Variants in PRUNE2 observed in about 807,000 individuals in gnomAD.
PRUNE2 encodes protein prune homolog 2.
In PRUNE2, 164 loss-of-function variants were observed where a neutral mutation model predicts 252.0. That is an observed-to-expected ratio of 0.65 (90% CI 0.57 to 0.74). PRUNE2 has a LOEUF of 0.74. Among genes scored for constraint, PRUNE2 ranks in the 30% least tolerant of loss-of-function variants. The probability of loss-of-function intolerance (pLI) is 0.00; values close to 1 mark genes in which losing one functional copy is unlikely to be tolerated. For synonymous variants in PRUNE2, 1,292 were observed against 1,350.2 expected (o/e 0.96, Z 0.94); for missense variants, 3,495 against 3,711.0 (o/e 0.94, Z 1.51).
chr9:76,832,761 A>T (rs1054857525), intron 4 of PRUNE2, among the ~76,000 whole-genome samples: 2 of 152,066 alleles, frequency 1.3e-5, no homozygotes, highest in Non-Finnish European at 2.9e-5. Flanking sequence ...GGATTTCTGG[A>T]AAAAACTAAT....
At position 76,708,613 on chromosome 9, in the gene PRUNE2, C is replaced by G. The variant is rs2046475628; in HGVS notation, c.3661G>C (p.Asp1221His). The stretch of plus-strand genomic sequence containing the variant: ...ATGTCTTTATCTCTCATGACAGAAT[C>G]CCAAATACTGTTTGCAATTAGCTGC... ...SGQLIANSIW[D>H]SVMRDKDMSS... The change falls in exon 8 of 19, where the codon GAT becomes CAT. Residue 1221 changes from aspartate to histidine, a missense_variant. Transcript: ENST00000376718. 3.7e-6 allele frequency: 6 copies of G among 1,613,880 alleles called. No individual in the cohort carries two copies. The highest frequency in any genetic ancestry group is 3.4e-6 in the Non-Finnish European group (4 of 1,179,838).
intron 3 of PRUNE2, 57 bp from the exon 4 acceptor site, chr9:76,846,735 T>C: frequency 2.7e-6 from 4 of 1,476,640 alleles, no homozygotes; most frequent in Non-Finnish European, 3.7e-6. Context: ...TTATTACTTT[T>C]TGGAATGTTT....
rs372576464 is a variant in PRUNE2 at position 76,666,743 on chromosome 9, GTCTTT to G, written c.8277-11246_8277-11242del. On this transcript the variant is annotated intron_variant, in intron 9 of 18. Transcript: ENST00000376718. ...TGGTAGTGGTCCCCCGGGCCCAGCT[GTCTTT>G]TCTTTTATCTCTTTGTCTTGTGTCT... 5.7e-4 allele frequency among the ~76,000 whole-genome samples: 86 copies of G among 152,206 alleles called. 1 individual carries two copies. The highest frequency in any genetic ancestry group is 3.5e-3 in the South Asian group (17 of 4,824).
At chr9:76,662,067 T>A in intron 9 of PRUNE2, among the ~76,000 whole-genome samples, 1 of 152,132 alleles carries the variant, frequency 6.6e-6, no homozygotes, top group East Asian at 1.9e-4. Flanking sequence ...GCCCTGCACA[T>A]CCAAACTTGT....
rs1365159258 is a variant in PRUNE2, at chr9:76,706,267, A to G, written c.6007T>C (p.Ser2003Pro). The change falls in exon 8 of 19, where the codon TCA (serine) becomes CCA (proline). Residue 2003 changes from serine (S) to proline (P), a missense_variant. By Grantham distance (74) the Ser-to-Pro change is moderately conservative. Coordinates refer to ENST00000376718, the MANE Select transcript of PRUNE2 (RefSeq NM_015225.3). ...QETNQWEQEK[S>P]YLGEMTNSSI... is the part of the protein sequence containing the mutation. ...GAATTTGTCATCTCACCTAGGTATG[A>G]TTTTTCTTGTTCCCACTGATTTGTT... 2 of 1,613,668 alleles carry G rather than the reference A, an allele frequency of 1.2e-6. No individual in the cohort carries two copies. The highest frequency in any genetic ancestry group is 1.7e-6 in the Non-Finnish European group (2 of 1,179,848).
chr9:76,832,474 A>G (rs77608457), intron 4 of PRUNE2, among the ~76,000 whole-genome samples: 173 of 152,306 alleles, frequency 1.1e-3, no homozygotes, highest in Non-Finnish European at 2.0e-3. Flanking sequence ...GCACTTCTAT[A>G]TAACTCATGG....
chr9:76,845,944 C>T (rs921170078), intron 4 of PRUNE2, among the ~76,000 whole-genome samples: 4 of 152,108 alleles, frequency 2.6e-5, no homozygotes, highest in Non-Finnish European at 5.9e-5. Flanking sequence ...AGAGAGATTA[C>T]TAGAGTAACT....
rs371655412 is a variant in PRUNE2, at chr9:76,826,667, G to T, written c.574C>A (p.Leu192Ile). 2.7e-5 allele frequency: 43 copies of T among 1,612,068 alleles called. No homozygotes were observed. The East Asian group carries it at 9.6e-4, about 36-fold the overall frequency. The change falls in exon 5 of 19, where the codon CTT becomes ATT. Residue 192 changes from leucine to isoleucine, a missense_variant. Transcript: ENST00000376718. ...GGAAATTTTTCTTCCAGGATAGAAA[G>T]AATTTCCTCCTGCTTCTCTGAGATC... Reference protein sequence around the residue: ...EKISEKQEEILSILEEKFPNL... With the variant: ...EKISEKQEEIISILEEKFPNL...
chr9:76,650,300 C>A (rs1180462445), intron 11 of PRUNE2, among the ~76,000 whole-genome samples: 1 of 148,416 alleles, frequency 6.7e-6, no homozygotes. Flanking sequence ...TATAATGAAA[C>A]ATATATAATG....
chr9:76,777,846 A>C (rs1297765948), intron 6 of PRUNE2, among the ~76,000 whole-genome samples: 1 of 152,202 alleles, frequency 6.6e-6, no homozygotes, highest in African/African-American at 2.4e-5. Flanking sequence ...AAATAAGTTC[A>C]GGGGGCTAAC....
intron 6 of PRUNE2, among the ~76,000 whole-genome samples, chr9:76,822,766 C>G (rs2058108501): frequency 6.6e-6 from 1 of 151,964 alleles, no homozygotes; most frequent in African/African-American, 2.4e-5. Context: ...GAGATGGTGC[C>G]ACTGCACTCC....
chr9:76,737,732 G>A lies in PRUNE2; in HGVS notation c.757-24011C>T, dbSNP rs368931290. 3.9e-5 allele frequency: 6 copies of A among 152,302 alleles called. No homozygotes were observed. In the South Asian group the frequency reaches 1.2e-3, roughly 32 times the overall value. 9.4% of individuals were successfully genotyped at this position (152,302 alleles called of 1,614,324 possible). A position where few individuals can be genotyped will look rare whatever the true frequency, so the allele number is the denominator to read the frequency against. The stretch of plus-strand genomic sequence containing the variant: ...GAATTGAAGAATCCATCAAGCTTGA[G>A]TTGATTTATTGAACTGTCTCTTGGC... On this transcript the variant is annotated intron_variant, in intron 6 of 18. Transcript: ENST00000376718.
rs369464963 is a variant in PRUNE2 at position 76,704,962 on chromosome 9, T to C, written c.7312A>G (p.Arg2438Gly). The C allele has an allele frequency of 3.6e-5, 58 of 1,613,226 alleles. No individual in the cohort carries two copies. The highest frequency in any genetic ancestry group is 4.7e-5 in the Non-Finnish European group (56 of 1,179,590). ...EIVLSALPDR[R>G]SEGNQAETKN... is the part of the protein sequence containing the mutation. Reference sequence around the variant, plus strand: ...GTCTCAGCCTGGTTTCCCTCACTTCTTCGATCAGGAAGTGCAGAAAGCACT... The same window carrying C: ...GTCTCAGCCTGGTTTCCCTCACTTCCTCGATCAGGAAGTGCAGAAAGCACT... Residue 2438 changes from arginine (R) to glycine (G), a missense_variant, in exon 8 of 19, where the codon AGA becomes GGA. Arg to Gly is a moderately radical substitution (Grantham distance 125). Coordinates refer to ENST00000376718, the MANE Select transcript of PRUNE2 (RefSeq NM_015225.3).
chr9:76,762,904 T>A (rs1415471986), intron 6 of PRUNE2, among the ~76,000 whole-genome samples: 1 of 152,206 alleles, frequency 6.6e-6, no homozygotes, highest in East Asian at 1.9e-4. Flanking sequence ...AACTGGATAT[T>A]TGGTTTCTGA....
chr9:76,753,143 C>T (rs1214353174), intron 6 of PRUNE2, among the ~76,000 whole-genome samples: 1 of 152,098 alleles, frequency 6.6e-6, no homozygotes, highest in Non-Finnish European at 1.5e-5. Context: ...GATCCTTCTG[C>T]CTCAGCCCCT....
At chr9:76,666,254 A>C (rs1052528479) in intron 9 of PRUNE2, among the ~76,000 whole-genome samples, 12 of 152,302 alleles carry the variant, frequency 7.9e-5, no homozygotes, top group Non-Finnish European at 1.3e-4. Context: ...GCTACTTAGC[A>C]GACCTGGAAA....
At chr9:76,688,855 T>C (rs1265305065) in intron 9 of PRUNE2, among the ~76,000 whole-genome samples, 6 of 152,110 alleles carry the variant, frequency 3.9e-5, no homozygotes, top group Admixed American at 3.9e-4. Flanking sequence ...TTAGGCAAAA[T>C]GAGATTCTCT....
intron 4 of PRUNE2, among the ~76,000 whole-genome samples, chr9:76,830,316 AT>A (rs1283079142): frequency 6.6e-6 from 1 of 152,162 alleles, no homozygotes; most frequent in Admixed American, 6.5e-5. Context: ...TGGTATACTA[AT>A]TTTTCAAAAT....
chr9:76,692,450 T>C (rs769221964), intron 9 of PRUNE2: 4 of 313,576 alleles, frequency 1.3e-5, no homozygotes, highest in African/African-American at 2.3e-5. Flanking sequence ...AATTTAGTTC[T>C]CTTGAAACCT....
Sources: gnomAD v4.1 joint callset for allele counts (sites outside exome capture counted in the v4.1 genomes callset) on GRCh38, gnomAD v4.1.1 for gene constraint, MANE v1.5 for transcripts, NCBI Gene and HGNC (gene_info 2026-07-23, HGNC 2026-07-21) for gene names.